Variants in KCNAB1 observed in about 807,000 individuals in gnomAD.
KCNAB1 encodes the protein potassium voltage-gated channel subfamily A regulatory beta subunit 1.
KCNAB1 carries 35 observed loss-of-function variants against 64.6 expected under a neutral mutation model. The observed-to-expected ratio is 0.54, with a 90% CI of 0.41 to 0.72. The LOEUF is 0.72. KCNAB1 is among the 30% of genes least tolerant of loss of function. The pLI is 0.00. For synonymous variants in KCNAB1, 177 were observed against 183.8 expected (o/e 0.96, Z 0.30); for missense variants, 401 against 512.9 (o/e 0.78, Z 2.11).
At chr3:156,520,883 T>C (rs1411290706) in intron 11 of KCNAB1, among the ~76,000 whole-genome samples, 1 of 151,482 alleles carries the variant, frequency 6.6e-6, no homozygotes, top group African/African-American at 2.4e-5. Flanking sequence ...AGAACTGAAA[T>C]GTGACTGATT....
chr3:156,270,016 C>G (rs561610728), intron 1 of KCNAB1, among the ~76,000 whole-genome samples: 1 of 150,748 alleles, frequency 6.6e-6, no homozygotes, highest in Non-Finnish European at 1.5e-5. Flanking sequence ...CCTGGGTTCG[C>G]GCCATTCTCC....
intron 4 of KCNAB1, among the ~76,000 whole-genome samples, chr3:156,459,440 G>A (rs1712719098): frequency 6.6e-6 from 1 of 152,066 alleles, no homozygotes; most frequent in Non-Finnish European, 1.5e-5. Context: ...AGGTGTCATT[G>A]TTCTCCATAG....
At chr3:156,183,364 C>T (rs1466169565) in intron 1 of KCNAB1, among the ~76,000 whole-genome samples, 1 of 152,158 alleles carries the variant, frequency 6.6e-6, no homozygotes, top group Non-Finnish European at 1.5e-5. Context: ...CCACGGGATT[C>T]GGTACAGTGG....
At chr3:156,467,454 T>C (rs921976127) in intron 7 of KCNAB1, among the ~76,000 whole-genome samples, 2 of 152,268 alleles carry the variant, frequency 1.3e-5, no homozygotes, top group Non-Finnish European at 2.9e-5. Flanking sequence ...AAATGTGCTC[T>C]AATCTCACCA....
In KCNAB1 at chr3:156,503,413, T is replaced by C. The variant is rs548270894; in HGVS notation, c.659-10951T>C. 1.4e-4 allele frequency among the ~76,000 whole-genome samples: 22 copies of C among 152,344 alleles called. No individual in the cohort carries two copies. The East Asian group carries it at 4.2e-3, about 29-fold the overall frequency. On this transcript the variant is annotated intron_variant, in intron 8 of 13. Coordinates refer to ENST00000490337, the MANE Select transcript of KCNAB1 (RefSeq NM_172160.3). ...CTTATCTAAATGTAAGATGAACAAC[T>C]GCTGTCTTGCTAGGATTAAAGAGTA... is the stretch of plus-strand genomic sequence containing the variant.
At chr3:156,162,371 C>T (rs894740050) in intron 1 of KCNAB1, among the ~76,000 whole-genome samples, 3 of 152,070 alleles carry the variant, frequency 2.0e-5, no homozygotes, top group African/African-American at 7.2e-5. Context: ...TATTTGACCA[C>T]CTGCTACGTG....
intron 1 of KCNAB1, among the ~76,000 whole-genome samples, chr3:156,252,508 C>A (rs1369720304): frequency 6.6e-6 from 1 of 152,114 alleles, no homozygotes; most frequent in Admixed American, 6.6e-5. Flanking sequence ...AAGCTGATAT[C>A]CTTTGGTTGA....
rs73025769 is a variant in KCNAB1, at chr3:156,505,541, T to A, written c.659-8823T>A. 5.4e-3 allele frequency among the ~76,000 whole-genome samples: 824 copies of A among 152,338 alleles called. 9 individuals carry two copies. Among genetic ancestry groups the A allele is most frequent in the African/African-American group, 0.019 (774 of 41,568 alleles). On this transcript the variant is annotated intron_variant, in intron 8 of 13. Coordinates refer to ENST00000490337, the MANE Select transcript of KCNAB1 (RefSeq NM_172160.3). ...ACTCTTCCAATTTGTGAACATGAGA[T>A]GTCTTCCTATTTTTTGTGTGTTCTC...
At chr3:156,446,020 A>C (rs1192390935) in intron 2 of KCNAB1, 1 of 152,236 alleles carries the variant, frequency 6.6e-6, no homozygotes, top group Non-Finnish European at 1.5e-5. Flanking sequence ...GTAGCAAGAC[A>C]TACTTTAACT....
chr3:156,307,480 C>G (rs189037371), intron 1 of KCNAB1, among the ~76,000 whole-genome samples: 3 of 152,084 alleles, frequency 2.0e-5, no homozygotes, highest in Non-Finnish European at 2.9e-5. Flanking sequence ...AATTGCTTTT[C>G]CACTTAGAGT....
rs1306319069 is a variant in KCNAB1 at position 156,414,455 on chromosome 3, G to C, written c.276-7161G>C. On this transcript the variant is annotated intron_variant, in intron 1 of 13. Transcript: ENST00000490337. Reference sequence around the variant, plus strand: ...GGGTCAATTGCCACAATTTCCAAGTGGTAATGAGTGTAAATGGTGAGCGTA... The same window carrying C: ...GGGTCAATTGCCACAATTTCCAAGTCGTAATGAGTGTAAATGGTGAGCGTA... 2.0e-5 allele frequency among the ~76,000 whole-genome samples: 3 copies of C among 152,196 alleles called. No homozygotes were observed. In the East Asian group the frequency reaches 5.8e-4, roughly 29 times the overall value.
intron 8 of KCNAB1, among the ~76,000 whole-genome samples, chr3:156,490,769 GA>G (rs1231103759): frequency 1.3e-5 from 2 of 152,100 alleles, no homozygotes; most frequent in Non-Finnish European, 2.9e-5. Flanking sequence ...TAAAATGGAG[GA>G]GGGGGAGTTA....
intron 2 of KCNAB1, among the ~76,000 whole-genome samples, chr3:156,427,344 C>T (rs1232543115): frequency 1.3e-5 from 2 of 152,030 alleles, no homozygotes; most frequent in Non-Finnish European, 2.9e-5. Flanking sequence ...CAGTGATGAC[C>T]CTATGATTGT....
intron 2 of KCNAB1, among the ~76,000 whole-genome samples, chr3:156,445,152 C>T (rs968194670): frequency 6.6e-6 from 1 of 152,030 alleles, no homozygotes; most frequent in African/African-American, 2.4e-5. Flanking sequence ...AAAAATTGGC[C>T]GGGCACGGTG....
At chr3:156,259,693 G>A (rs1462214849) in intron 1 of KCNAB1, among the ~76,000 whole-genome samples, 2 of 152,172 alleles carry the variant, frequency 1.3e-5, no homozygotes, top group African/African-American at 4.8e-5. Context: ...GGACCTGTGT[G>A]TCCTAAAGCT....
At chr3:156,290,940 A>G in intron 1 of KCNAB1, 1 of 981,838 alleles carries the variant, frequency 1.0e-6, no homozygotes. Context: ...AATAACAGGG[A>G]TTTCAAGCTG....
chr3:156,319,511 G>A (rs1010374010), intron 1 of KCNAB1, among the ~76,000 whole-genome samples: 3 of 152,166 alleles, frequency 2.0e-5, no homozygotes, highest in Admixed American at 6.5e-5. Context: ...ACATGGCCAT[G>A]CCAAACTTAA....
chr3:156,135,319 AT>A (rs774620532), intron 1 of KCNAB1, among the ~76,000 whole-genome samples: 1 of 150,938 alleles, frequency 6.6e-6, no homozygotes, highest in African/African-American at 2.4e-5. Flanking sequence ...TTTTTCCCCC[AT>A]TTTTTTTCCC....
chr3:156,138,113 C>G (rs1714477101), intron 1 of KCNAB1, among the ~76,000 whole-genome samples: 1 of 152,182 alleles, frequency 6.6e-6, no homozygotes, highest in South Asian at 2.1e-4. Flanking sequence ...CACACACATA[C>G]TATACTTAGC....
Sources: gnomAD v4.1 joint callset for allele counts (sites outside exome capture counted in the v4.1 genomes callset) on GRCh38, gnomAD v4.1.1 for gene constraint, MANE v1.5 for transcripts, NCBI Gene and HGNC (gene_info 2026-07-23, HGNC 2026-07-21) for gene names.